SEPSECS: variants seen among roughly 807,000 people sequenced by gnomAD.
SEPSECS encodes Sep (O-phosphoserine) tRNA:Sec (selenocysteine) tRNA synthase, also known as O-phosphoseryl-tRNA(Sec) selenium transferase.
SEPSECS carries 42 observed loss-of-function variants against 52.1 expected under a neutral mutation model. That is an observed-to-expected ratio of 0.81 (90% CI 0.63 to 1.04). The LOEUF (loss-of-function observed/expected upper bound fraction) is 1.04, where lower values mean the gene tolerates loss of function less well. Ranked by LOEUF, SEPSECS falls within the 50% of genes least tolerant of loss-of-function variation. The pLI is 0.00. For synonymous variants in SEPSECS, 216 were observed against 211.4 expected (o/e 1.02, Z -0.19); for missense variants, 590 against 610.6 (o/e 0.97, Z 0.36).
Position 25,159,069 on chromosome 4 carries a change from A to G in SEPSECS, c.153T>C (p.Leu51=), listed in dbSNP as rs1319804787. 6.2e-7 allele frequency: 1 copy of G among 1,613,510 alleles called. No homozygotes were observed. The highest frequency in any genetic ancestry group is 8.5e-7 in the Non-Finnish European group (1 of 1,179,736). The change falls in exon 2 of 11, where the codon CTT becomes CTC. Residue 51 remains leucine (L), a synonymous_variant. Transcript: ENST00000382103. ...CPENGWDEST[L]ELFLHELAIM... is the part of the protein sequence containing the mutation. ...TTGCAAGTTCATGTAAAAAGAGTTC[A>G]AGTGTACTTTCATCCCAGCCATTCT...
chr4:25,149,536 G>A (rs1413420757), intron 6 of SEPSECS, among the ~76,000 whole-genome samples: 3 of 152,192 alleles, frequency 2.0e-5, no homozygotes, highest in African/African-American at 7.2e-5. Flanking sequence ...AAAACAATAT[G>A]CATATAAAAA....
chr4:25,128,129 G>A (rs1325039831), intron 8 of SEPSECS, among the ~76,000 whole-genome samples: 7 of 151,932 alleles, frequency 4.6e-5, no homozygotes, highest in East Asian at 1.9e-4. Context: ...CACTATACTT[G>A]CCACAATCTG....
At chr4:25,132,837 G>A (rs1358045912) in intron 8 of SEPSECS, among the ~76,000 whole-genome samples, 2 of 152,160 alleles carry the variant, frequency 1.3e-5, no homozygotes, top group Admixed American at 6.5e-5. Flanking sequence ...AACAACGGAT[G>A]AGTGACTGGA....
chr4:25,144,534 C>G (rs905380122), intron 8 of SEPSECS, among the ~76,000 whole-genome samples: 2 of 151,266 alleles, frequency 1.3e-5, no homozygotes, highest in African/African-American at 4.9e-5. Context: ...GCAGGAGTTT[C>G]TAAAAAGTAA....
rs868220452 is a variant in SEPSECS at position 25,125,726 on chromosome 4, C to G, written c.1179G>C (p.Ser393=). ...CAGAAACCTGTCTGGTAAAAAGCATCGAGCCAAGCTGAGTGACAGCTTTGT... is the reference window on the plus strand; with the variant it reads ...CAGAAACCTGTCTGGTAAAAAGCATGGAGCCAAGCTGAGTGACAGCTTTGT... ...HRDKAVTQLG[S]MLFTRQVSGA... Residue 393 remains serine, a synonymous_variant, in exon 10 of 11, where the codon TCG becomes TCC. Coordinates refer to ENST00000382103, the MANE Select transcript of SEPSECS (RefSeq NM_016955.4). 1.2e-6 allele frequency: 2 copies of G among 1,612,938 alleles called. No homozygotes were observed. Among genetic ancestry groups the G allele is most frequent in the Admixed American group, 3.3e-5 (2 of 59,890 alleles).
At chr4:25,128,506 A>C (rs1396237695) in intron 8 of SEPSECS, among the ~76,000 whole-genome samples, 1 of 152,188 alleles carries the variant, frequency 6.6e-6, no homozygotes, top group Non-Finnish European at 1.5e-5. Flanking sequence ...TCCCACTCTG[A>C]AAAATAAAAT....
intron 6 of SEPSECS, among the ~76,000 whole-genome samples, chr4:25,148,102 C>A (rs1712078274): frequency 6.6e-6 from 1 of 152,054 alleles, no homozygotes; most frequent in Admixed American, 6.6e-5. Context: ...TCTGTAATCC[C>A]AGCACTTTGG....
In SEPSECS at chr4:25,122,055, T is replaced by C. The variant is rs1728148430; in HGVS notation, c.*1876A>G. 1 of 152,180 alleles carries C rather than the reference T, an allele frequency of 6.6e-6. No homozygotes were observed. Among genetic ancestry groups the C allele is most frequent in the South Asian group, 2.1e-4 (1 of 4,830 alleles). 9.4% of individuals were successfully genotyped at this position (152,180 alleles called of 1,614,324 possible). A position where few individuals can be genotyped will look rare whatever the true frequency, so the allele number is the denominator to read the frequency against. On this transcript the variant is annotated 3_prime_UTR_variant, in exon 11 of 11. Coordinates refer to ENST00000382103, the MANE Select transcript of SEPSECS (RefSeq NM_016955.4). Reference sequence around the variant, plus strand: ...ACTCTAGAGGTTGCAACTCTTCAGCTTTATTGGTTCAGCAATTTAGTCCCA... The same window carrying C: ...ACTCTAGAGGTTGCAACTCTTCAGCCTTATTGGTTCAGCAATTTAGTCCCA...
intron 8 of SEPSECS, among the ~76,000 whole-genome samples, chr4:25,138,426 C>T (rs935503630): frequency 2.7e-5 from 4 of 150,698 alleles, no homozygotes; most frequent in African/African-American, 7.3e-5. Context: ...TCAAGACCAG[C>T]CTAGGCAACA....
Position 25,159,203 on chromosome 4 carries a change from G to A in SEPSECS, c.115-96C>T, listed in dbSNP as rs573740256. 7 of 1,062,554 alleles carry A rather than the reference G, an allele frequency of 6.6e-6. No individual in the cohort carries two copies. In the Admixed American group the frequency reaches 1.7e-4, roughly 26 times the overall value. 65.8% of individuals were successfully genotyped at this position (1,062,554 alleles called of 1,614,324 possible). On this transcript the variant is annotated intron_variant, in intron 1 of 10. Coordinates refer to ENST00000382103, the MANE Select transcript of SEPSECS (RefSeq NM_016955.4). ...AGTTTTTCTTTTTAACGTGTATTTTGCCACGCTGCTTGTTTTCTAAAATTC... is the reference window on the plus strand; with the variant it reads ...AGTTTTTCTTTTTAACGTGTATTTTACCACGCTGCTTGTTTTCTAAAATTC...
chr4:25,134,581 C>T lies in SEPSECS; in HGVS notation c.1027-7224G>A, dbSNP rs80192870. On this transcript the variant is annotated intron_variant, in intron 8 of 10. Transcript: ENST00000382103. Reference sequence around the variant, plus strand: ...CTACCAAAGTACTCATAATTAAGGACCAAGTTTCATTTCAGACACATAATA... The same window carrying T: ...CTACCAAAGTACTCATAATTAAGGATCAAGTTTCATTTCAGACACATAATA... Among the ~76,000 whole-genome samples the T allele has an allele frequency of 5.2e-3, 793 of 152,108 alleles. 8 individuals carry two copies. Among genetic ancestry groups the T allele is most frequent in the African/African-American group, 0.018 (742 of 41,506 alleles).
intron 5 of SEPSECS, 135 bp downstream of exon 5, chr4:25,154,862 CA>C (rs947709789): frequency 3.2e-5 from 30 of 942,252 alleles, no homozygotes; most frequent in South Asian, 1.4e-4. Flanking sequence ...TATTTCTCCA[CA>C]AGGTCAATCT....
At chr4:25,140,918 G>A (rs373021936) in intron 8 of SEPSECS, among the ~76,000 whole-genome samples, 45 of 146,944 alleles carry the variant, frequency 3.1e-4, no homozygotes, top group African/African-American at 3.3e-4. Flanking sequence ...GAAAATATTT[G>A]AAAAAAAAAA....
At chr4:25,148,234 T>C (rs1712094063) in intron 6 of SEPSECS, among the ~76,000 whole-genome samples, 1 of 151,410 alleles carries the variant, frequency 6.6e-6, no homozygotes. Flanking sequence ...GCGCCTGTAG[T>C]CCCAGCTACT....
intron 8 of SEPSECS, among the ~76,000 whole-genome samples, chr4:25,139,673 C>T (rs1728983317): frequency 6.6e-6 from 1 of 152,076 alleles, no homozygotes; most frequent in East Asian, 1.9e-4. Context: ...ATTAACCTGG[C>T]ACTGCTCTAC....
At chr4:25,140,967 C>T (rs1479156358) in intron 8 of SEPSECS, among the ~76,000 whole-genome samples, 1 of 151,478 alleles carries the variant, frequency 6.6e-6, no homozygotes, top group African/African-American at 2.4e-5. Flanking sequence ...GAGTTCTTCT[C>T]TTGACATTAT....
chr4:25,147,693 G>C (rs1000734759), intron 6 of SEPSECS, among the ~76,000 whole-genome samples: 4 of 152,042 alleles, frequency 2.6e-5, no homozygotes, highest in African/African-American at 9.7e-5. Context: ...TGGAGGTGGG[G>C]TTATGTGCAT....
chr4:25,155,160 A>C lies in SEPSECS; in HGVS notation c.548-9T>G, dbSNP rs1350098768. 4 of 1,613,852 alleles carry C rather than the reference A, an allele frequency of 2.5e-6. No individual in the cohort carries two copies. On this transcript the variant is annotated splice_polypyrimidine_tract_variant and intron_variant, in intron 4 of 10. Transcript: ENST00000382103. Reference sequence around the variant, plus strand: ...CACCACAGGCTCAAAACCTAACCAAACCAACCAGAAAACAAAATGTTAGTG... The same window carrying C: ...CACCACAGGCTCAAAACCTAACCAACCCAACCAGAAAACAAAATGTTAGTG...
chr4:25,148,539 G>A (rs1712123867), intron 6 of SEPSECS, among the ~76,000 whole-genome samples: 1 of 152,148 alleles, frequency 6.6e-6, no homozygotes, highest in South Asian at 2.1e-4. Flanking sequence ...TAAATCAATA[G>A]TGCCACAACC....
Sources: gnomAD v4.1 joint callset for allele counts (sites outside exome capture counted in the v4.1 genomes callset) on GRCh38, gnomAD v4.1.1 for gene constraint, MANE v1.5 for transcripts, NCBI Gene and HGNC (gene_info 2026-07-23, HGNC 2026-07-21) for gene names.